ZDHHC15: variants seen among roughly 807,000 people sequenced by gnomAD.
ZDHHC15 encodes palmitoyltransferase ZDHHC15.
In ZDHHC15, 19 loss-of-function variants were observed where a neutral mutation model predicts 31.7. That is an observed-to-expected ratio of 0.60 (90% CI 0.42 to 0.88). The LOEUF (loss-of-function observed/expected upper bound fraction) is 0.88, where lower values mean the gene tolerates loss of function less well. Ranked by LOEUF, ZDHHC15 falls within the 40% of genes least tolerant of loss-of-function variation. The probability of loss-of-function intolerance (pLI) is 0.00; values close to 1 mark genes in which losing one functional copy is unlikely to be tolerated. For synonymous variants in ZDHHC15, 103 were observed against 90.0 expected, an observed-to-expected ratio of 1.14 and a Z score of -0.82; for missense variants, 209 against 251.2, an observed-to-expected ratio of 0.83 and a Z score of 1.14.
intron 6 of ZDHHC15, 97 bp from the exon 7 acceptor site, chrX:75,429,295 C>T: frequency 9.8e-7 from 1 of 1,015,332 alleles, no homozygotes; most frequent in South Asian, 2.5e-5. Flanking sequence ...GCTAGTTCTG[C>T]TGCTTCATTA....
intron 2 of ZDHHC15, among the ~76,000 whole-genome samples, chrX:75,482,766 T>C (rs987981807): frequency 9.0e-6 from 1 of 110,932 alleles, no homozygotes; most frequent in Non-Finnish European, 1.9e-5. Flanking sequence ...GTTTATAAGC[T>C]TTATTGATAG....
intron 2 of ZDHHC15, among the ~76,000 whole-genome samples, chrX:75,480,594 T>C (rs1205570493): frequency 2.7e-5 from 3 of 111,325 alleles, no homozygotes; most frequent in African/African-American, 6.5e-5. Flanking sequence ...GCCATGACTT[T>C]GTTGTGTATC....
chrX:75,462,461 A>G (rs192991644), intron 3 of ZDHHC15, among the ~76,000 whole-genome samples: 10 of 112,548 alleles, frequency 8.9e-5, no homozygotes, highest in Admixed American at 7.5e-4. Flanking sequence ...GCCATAAACA[A>G]CAGAATAAAC....
chrX:75,412,192 G>A (rs753216433), intron 10 of ZDHHC15, among the ~76,000 whole-genome samples: 6 of 111,576 alleles, frequency 5.4e-5, no homozygotes, highest in Non-Finnish European at 1.1e-4. Context: ...AATTGATATC[G>A]CCATTACAGA....
intron 7 of ZDHHC15, among the ~76,000 whole-genome samples, chrX:75,428,049 G>T (rs1309077684): frequency 1.8e-5 from 2 of 111,108 alleles, no homozygotes; most frequent in Non-Finnish European, 3.8e-5. Context: ...TCTGGTCACT[G>T]AATTCATGTT....
chrX:75,393,886 T>C (rs140837953), intron 10 of ZDHHC15, among the ~76,000 whole-genome samples: 1,979 of 111,900 alleles, frequency 0.018, 49 homozygotes, highest in African/African-American at 0.061. Context: ...TGGAGTCTGA[T>C]GTTTGAGGGC....
chrX:75,485,517 T>C (rs1219512571), intron 2 of ZDHHC15, among the ~76,000 whole-genome samples: 2 of 110,596 alleles, frequency 1.8e-5, no homozygotes, highest in South Asian at 7.7e-4. Flanking sequence ...TATAATCATT[T>C]TGGCTCAATA....
At chrX:75,499,044 G>A (rs73625850) in intron 2 of ZDHHC15, among the ~76,000 whole-genome samples, 1,251 of 111,421 alleles carry the variant, frequency 0.011, 21 homozygotes, top group African/African-American at 0.039. Flanking sequence ...AAGGACACCC[G>A]ATTCAACAAA....
At chrX:75,488,380 A>T (rs2084811764) in intron 2 of ZDHHC15, among the ~76,000 whole-genome samples, 1 of 112,061 alleles carries the variant, frequency 8.9e-6, no homozygotes, top group African/African-American at 3.2e-5. Flanking sequence ...CACCTTAAAC[A>T]AAATAATTGT....
intron 4 of ZDHHC15, among the ~76,000 whole-genome samples, chrX:75,443,249 T>A (rs1433703660): frequency 9.0e-6 from 1 of 110,555 alleles, no homozygotes; most frequent in Non-Finnish European, 1.9e-5. Flanking sequence ...AGCATGCTAC[T>A]GTTTTGGTAC....
intron 2 of ZDHHC15, among the ~76,000 whole-genome samples, chrX:75,481,880 G>A (rs941920335): frequency 5.4e-5 from 6 of 111,903 alleles, no homozygotes; most frequent in Admixed American, 3.8e-4. Flanking sequence ...TCAGCCAGAC[G>A]GTCACATCTC....
intron 2 of ZDHHC15, among the ~76,000 whole-genome samples, chrX:75,486,852 T>C (rs774091701): frequency 3.7e-5 from 4 of 109,496 alleles, no homozygotes; most frequent in Non-Finnish European, 7.6e-5. Context: ...CCAAGGAGAG[T>C]CTGAGCTCAG....
intron 4 of ZDHHC15, among the ~76,000 whole-genome samples, chrX:75,450,132 G>A (rs1458403524): frequency 8.9e-6 from 1 of 111,826 alleles, no homozygotes; most frequent in Non-Finnish European, 1.9e-5. Context: ...CAAAAAAGAT[G>A]GATGAATCTT....
chrX:75,484,455 T>C (rs763941666), intron 2 of ZDHHC15, among the ~76,000 whole-genome samples: 2 of 112,252 alleles, frequency 1.8e-5, no homozygotes, highest in African/African-American at 3.2e-5. Context: ...ATGAAAAGAT[T>C]AGTCATTACA....
intron 1 of ZDHHC15, among the ~76,000 whole-genome samples, chrX:75,516,186 T>A (rs1263133413): frequency 9.0e-6 from 1 of 111,606 alleles, no homozygotes; most frequent in East Asian, 2.8e-4. Context: ...TTCAATGCCA[T>A]CCCCATCGAG....
At chrX:75,431,873 G>A (rs912188869) in intron 4 of ZDHHC15, among the ~76,000 whole-genome samples, 2 of 111,717 alleles carry the variant, frequency 1.8e-5, no homozygotes, top group Non-Finnish European at 3.8e-5. Flanking sequence ...TGAAAATAAG[G>A]ATTCACAGTT....
chrX:75,421,844 C>A lies in ZDHHC15; in HGVS notation c.863+20G>T. 8.3e-7 allele frequency: 1 copy of A among 1,205,207 alleles called. No individual in the cohort carries two copies. The highest frequency in any genetic ancestry group is 1.1e-6 in the Non-Finnish European group (1 of 892,480). ...GGCAGGGTCCAGTACTAACTTCTTC[C>A]AGTGGTAATATTTACTCACCTGGAA... On this transcript the variant is annotated intron_variant, in intron 9 of 11. Coordinates refer to ENST00000373367, the MANE Select transcript of ZDHHC15 (RefSeq NM_144969.3).
chrX:75,423,094 C>G (rs1437284437), intron 8 of ZDHHC15, among the ~76,000 whole-genome samples: 2 of 107,427 alleles, frequency 1.9e-5, no homozygotes, highest in East Asian at 6.0e-4. Flanking sequence ...TTTACCGCAG[C>G]CTTAAACTCC....
chrX:75,466,136 G>A (rs946512156), intron 3 of ZDHHC15, among the ~76,000 whole-genome samples: 3 of 111,498 alleles, frequency 2.7e-5, no homozygotes, highest in Middle Eastern at 4.6e-3. Context: ...GTGGGCAAAC[G>A]ACATGAACAA....
Sources: gnomAD v4.1 joint callset for allele counts (sites outside exome capture counted in the v4.1 genomes callset) on GRCh38, gnomAD v4.1.1 for gene constraint, MANE v1.5 for transcripts, NCBI Gene and HGNC (gene_info 2026-07-23, HGNC 2026-07-21) for gene names.